ADD2: variants seen among roughly 807,000 people sequenced by gnomAD.
ADD2 encodes the protein adducin 2.
ADD2 carries 23 observed loss-of-function variants against 83.0 expected under a neutral mutation model. The ratio of observed to expected loss-of-function variants is 0.28; its 90% CI spans 0.20 to 0.39. The LOEUF (loss-of-function observed/expected upper bound fraction) is 0.39. Ranked by LOEUF, ADD2 falls within the 10% of genes least tolerant of loss-of-function variation. The probability of loss-of-function intolerance (pLI) is 1.00; values close to 1 mark genes in which losing one functional copy is unlikely to be tolerated. For synonymous variants in ADD2, 375 were observed against 375.4 expected (o/e 1.00, Z 0.01); for missense variants, 758 against 944.9 (o/e 0.80, Z 2.59).
intron 13 of ADD2, chr2:70,675,154 A>T: frequency 9.6e-7 from 1 of 1,037,350 alleles, no homozygotes; most frequent in Non-Finnish European, 1.2e-6. Flanking sequence ...TCACTATGCA[A>T]ATACAGTTGG....
chr2:70,742,416 G>A (rs1479501421), intron 1 of ADD2, among the ~76,000 whole-genome samples: 1 of 151,938 alleles, frequency 6.6e-6, no homozygotes, highest in Non-Finnish European at 1.5e-5. Context: ...CTAAGTTGTA[G>A]GTGTTCTTAG....
chr2:70,716,420 C>T (rs1231119125), intron 1 of ADD2, among the ~76,000 whole-genome samples: 1 of 152,154 alleles, frequency 6.6e-6, no homozygotes, highest in Non-Finnish European at 1.5e-5. Flanking sequence ...TCTTCACCTC[C>T]TCCCTGCATT....
At position 70,672,864 on chromosome 2, in the gene ADD2, T is replaced by A; in HGVS notation, c.1870+14A>T. The A allele has an allele frequency of 6.2e-7, 1 of 1,603,570 alleles. No homozygotes were observed. Among genetic ancestry groups the A allele is most frequent in the Non-Finnish European group, 8.5e-7 (1 of 1,176,496 alleles). ...CCCCTCTCCCTCCCTCCCAGCCTAC[T>A]CAGCTGGACTCACCCTCTAAAGACT... On this transcript the variant is annotated intron_variant, in intron 15 of 15. Coordinates refer to ENST00000264436, the MANE Select transcript of ADD2 (RefSeq NM_001617.4).
chr2:70,714,153 G>T (rs1448876719), intron 1 of ADD2, among the ~76,000 whole-genome samples: 1 of 152,114 alleles, frequency 6.6e-6, no homozygotes, highest in Non-Finnish European at 1.5e-5. Context: ...AGCATTAATT[G>T]TCAAAATGTT....
chr2:70,657,457 A>G lies in ADD2; in HGVS notation c.*5968T>C, dbSNP rs1355015411. 6.6e-6 allele frequency: 1 copy of G among 152,242 alleles called. No homozygotes were observed. The highest frequency in any genetic ancestry group is 1.5e-5 in the Non-Finnish European group (1 of 68,060). The allele number at this position is 152,242 out of a possible 1,614,324, so 9.4% of individuals were successfully genotyped here. ...GAGCAAACACTAAGATGTTGGTTGC[A>G]GCATAAATTGCAGGAATTTAAAGGT... On this transcript the variant is annotated 3_prime_UTR_variant, in exon 16 of 16. Coordinates refer to ENST00000264436, the MANE Select transcript of ADD2 (RefSeq NM_001617.4).
chr2:70,692,938 C>T (rs1236335416), intron 6 of ADD2, among the ~76,000 whole-genome samples: 3 of 152,144 alleles, frequency 2.0e-5, no homozygotes, highest in Admixed American at 2.0e-4. Flanking sequence ...AGAAAAGAGT[C>T]ATGCACAGAA....
At chr2:70,705,148 C>A (rs1365736924) in intron 3 of ADD2, among the ~76,000 whole-genome samples, 7 of 152,176 alleles carry the variant, frequency 4.6e-5, no homozygotes, top group African/African-American at 9.6e-5. Flanking sequence ...GCTAACTCTG[C>A]CGCCTCTCCT....
chr2:70,747,002 T>A (rs1354486974), intron 1 of ADD2, among the ~76,000 whole-genome samples: 7 of 142,988 alleles, frequency 4.9e-5, no homozygotes, highest in African/African-American at 1.6e-4. Flanking sequence ...AACAGTCCAA[T>A]ATGGATTTTT....
chr2:70,698,409 C>A (rs1449551381), intron 4 of ADD2, among the ~76,000 whole-genome samples: 1 of 152,218 alleles, frequency 6.6e-6, no homozygotes. Flanking sequence ...AGCTCCCGAT[C>A]CCCTGCTCTG....
At chr2:70,705,425 C>T (rs547751491) in intron 3 of ADD2, among the ~76,000 whole-genome samples, 1 of 152,316 alleles carries the variant, frequency 6.6e-6, no homozygotes, top group South Asian at 2.1e-4. Context: ...ATCTCGAGCC[C>T]ATCCTGGCAA....
intron 5 of ADD2, 73 bp downstream of exon 5, chr2:70,696,172 G>T (rs913822335): frequency 1.1e-5 from 17 of 1,551,848 alleles, no homozygotes; most frequent in Admixed American, 9.4e-5. Flanking sequence ...CATGCCAAGG[G>T]TCAGGAGTTC....
chr2:70,761,195 A>C (rs1338603178), intron 1 of ADD2, among the ~76,000 whole-genome samples: 1 of 152,016 alleles, frequency 6.6e-6, no homozygotes, highest in African/African-American at 2.4e-5. Context: ...ATAAATGTCA[A>C]AAATAATTCT....
At position 70,672,757 on chromosome 2, in the gene ADD2, C is replaced by T; in HGVS notation, c.1870+121G>A. On this transcript the variant is annotated intron_variant, in intron 15 of 15. Coordinates refer to ENST00000264436, the MANE Select transcript of ADD2 (RefSeq NM_001617.4). ...CTTGATAACCCCTATTTCTGATTTC[C>T]TAGAAATAGCAGAGGGGAAAGATTT... The T allele has an allele frequency of 3.4e-6, 4 of 1,182,998 alleles. No homozygotes were observed. In the South Asian group the frequency reaches 4.9e-5, roughly 14 times the overall value. The allele number at this position is 1,182,998 out of a possible 1,614,324, so 73.3% of individuals were successfully genotyped here.
At chr2:70,719,029 T>C (rs3771447) in intron 1 of ADD2, among the ~76,000 whole-genome samples, 47,858 of 151,984 alleles carry the variant, frequency 0.31, 8,277 homozygotes, top group African/African-American at 0.47. Context: ...AGCACAGAAA[T>C]GGGGATTAGG....
intron 3 of ADD2, among the ~76,000 whole-genome samples, chr2:70,705,608 A>G (rs1356280135): frequency 2.0e-5 from 3 of 152,048 alleles, no homozygotes; most frequent in African/African-American, 7.2e-5. Flanking sequence ...TCAAGGCACT[A>G]CCTGCCTCAA....
At chr2:70,756,271 G>C (rs1212602532) in intron 1 of ADD2, among the ~76,000 whole-genome samples, 1 of 151,966 alleles carries the variant, frequency 6.6e-6, no homozygotes, top group African/African-American at 2.4e-5. Flanking sequence ...GGATTTATTA[G>C]CTTCAATCAC....
intron 1 of ADD2, among the ~76,000 whole-genome samples, chr2:70,729,420 C>T (rs376300413): frequency 2.0e-5 from 3 of 152,142 alleles, no homozygotes; most frequent in Admixed American, 6.6e-5. Flanking sequence ...TAAATTCCCT[C>T]GGTTGGAACA....
chr2:70,685,003 G>A (rs1670645765), intron 9 of ADD2, among the ~76,000 whole-genome samples: 1 of 152,020 alleles, frequency 6.6e-6, no homozygotes, highest in Admixed American at 6.6e-5. Context: ...ATTGGTTAGG[G>A]TTTGGCTTCC....
Position 70,658,415 on chromosome 2 carries a change from G to C in ADD2, c.*5010C>G, listed in dbSNP as rs1441467608. ...TACGCTTTCTTATGTTATGGTGCAAGTGGAAATGTGCACAGATAACCAATG... is the reference window on the plus strand; with the variant it reads ...TACGCTTTCTTATGTTATGGTGCAACTGGAAATGTGCACAGATAACCAATG... On this transcript the variant is annotated 3_prime_UTR_variant, in exon 16 of 16. Transcript: ENST00000264436. 2 of 152,184 alleles carry C rather than the reference G, an allele frequency of 1.3e-5. No individual in the cohort carries two copies. Among genetic ancestry groups the C allele is most frequent in the Non-Finnish European group, 2.9e-5 (2 of 68,032 alleles). The allele number at this position is 152,184 out of a possible 1,614,324, so 9.4% of individuals were successfully genotyped here. A position where few individuals can be genotyped will look rare whatever the true frequency, so the allele number is the denominator to read the frequency against.
Sources: gnomAD v4.1 joint callset for allele counts (sites outside exome capture counted in the v4.1 genomes callset) on GRCh38, gnomAD v4.1.1 for gene constraint, MANE v1.5 for transcripts, NCBI Gene and HGNC (gene_info 2026-07-23, HGNC 2026-07-21) for gene names.